The following NDUFAF2 variants were observed in gnomAD, a reference collection of about 807,000 sequenced individuals.
NDUFAF2 encodes NADH:ubiquinone oxidoreductase complex assembly factor 2.
NDUFAF2 carries 13 observed loss-of-function variants against 22.8 expected under a neutral mutation model. The ratio of observed to expected loss-of-function variants is 0.57; its 90% confidence interval spans 0.37 to 0.91. NDUFAF2 has a LOEUF of 0.91. Among genes scored for constraint, NDUFAF2 ranks in the 40% least tolerant of loss-of-function variants. NDUFAF2 has a pLI of 0.01. For synonymous variants in NDUFAF2, 53 were observed against 64.2 expected (o/e 0.83, Z 0.84); for missense variants, 162 against 195.2 (o/e 0.83, Z 1.01).
chr5:60,991,170 A>T (rs1455762406), intron 1 of NDUFAF2, among the ~76,000 whole-genome samples: 1 of 152,114 alleles, frequency 6.6e-6, no homozygotes, highest in Non-Finnish European at 1.5e-5. Context: ...ATTTTAAATT[A>T]AAAAAATGTT....
intron 1 of NDUFAF2, among the ~76,000 whole-genome samples, chr5:61,068,812 C>G (rs1752260498): frequency 6.6e-6 from 1 of 151,852 alleles, no homozygotes; most frequent in Non-Finnish European, 1.5e-5. Context: ...TTGTATTTTA[C>G]CAACCGAAAT....
intron 1 of NDUFAF2, among the ~76,000 whole-genome samples, chr5:60,989,323 A>G (rs1012369274): frequency 6.6e-6 from 1 of 152,188 alleles, no homozygotes; most frequent in Non-Finnish European, 1.5e-5. Context: ...AGTGTAAATT[A>G]GTTCACCCAT....
chr5:60,998,493 C>G (rs1380221728), intron 1 of NDUFAF2, among the ~76,000 whole-genome samples: 3 of 151,848 alleles, frequency 2.0e-5, no homozygotes, highest in Admixed American at 6.5e-5. Flanking sequence ...GTATTTTTTC[C>G]CAACATGATG....
chr5:61,055,614 A>G (rs1332403511), intron 1 of NDUFAF2, among the ~76,000 whole-genome samples: 1 of 152,202 alleles, frequency 6.6e-6, no homozygotes, highest in Non-Finnish European at 1.5e-5. Context: ...AAGTGGTGCT[A>G]TTGTCACAGA....
intron 2 of NDUFAF2, among the ~76,000 whole-genome samples, chr5:61,075,488 G>A (rs982629339): frequency 2.6e-4 from 39 of 152,126 alleles, no homozygotes; most frequent in Non-Finnish European, 5.0e-4. Flanking sequence ...CTTGGATAAT[G>A]CGTGCACCTT....
intron 1 of NDUFAF2, among the ~76,000 whole-genome samples, chr5:61,045,981 A>G (rs10071856): frequency 0.021 from 3,270 of 152,240 alleles, 70 homozygotes; most frequent in Non-Finnish European, 0.028. Context: ...GTGTTGAGGT[A>G]CATTTCTTCT....
At chr5:61,077,752 C>T (rs1296767827) in intron 2 of NDUFAF2, among the ~76,000 whole-genome samples, 3 of 152,058 alleles carry the variant, frequency 2.0e-5, no homozygotes, top group Non-Finnish European at 4.4e-5. Flanking sequence ...AAGAGTTGAC[C>T]TTTGAACAAA....
At chr5:61,142,507 G>A (rs1158485982) in intron 3 of NDUFAF2, among the ~76,000 whole-genome samples, 1 of 152,082 alleles carries the variant, frequency 6.6e-6, no homozygotes, top group Non-Finnish European at 1.5e-5. Context: ...CATGAGGAAG[G>A]TTCAAGAAAG....
chr5:61,151,884 A>C (rs771655952), intron 3 of NDUFAF2, among the ~76,000 whole-genome samples: 1 of 152,220 alleles, frequency 6.6e-6, no homozygotes, highest in African/African-American at 2.4e-5. Flanking sequence ...ACTGTATTGC[A>C]TTTATTTTTA....
At chr5:61,032,704 A>G (rs1219496789) in intron 1 of NDUFAF2, among the ~76,000 whole-genome samples, 6 of 152,074 alleles carry the variant, frequency 3.9e-5, no homozygotes, top group Non-Finnish European at 1.5e-5. Flanking sequence ...TCTTGGTTAT[A>G]AGGGCTCTTT....
At chr5:60,947,437 C>T (rs1039599097) in intron 1 of NDUFAF2, among the ~76,000 whole-genome samples, 4 of 152,008 alleles carry the variant, frequency 2.6e-5, no homozygotes, top group Non-Finnish European at 5.9e-5. Context: ...TACAGATCTT[C>T]GGTGAAGTAT....
At chr5:61,001,655 CTT>C (rs1751297184) in intron 1 of NDUFAF2, among the ~76,000 whole-genome samples, 1 of 152,000 alleles carries the variant, frequency 6.6e-6, no homozygotes, top group African/African-American at 2.4e-5. Flanking sequence ...TGATGGATAA[CTT>C]AATAAATAAA....
At chr5:60,968,894 C>T (rs1750792399) in intron 1 of NDUFAF2, among the ~76,000 whole-genome samples, 1 of 152,000 alleles carries the variant, frequency 6.6e-6, no homozygotes, top group African/African-American at 2.4e-5. Context: ...CCATCCTTTT[C>T]TGCTCTCTAT....
chr5:61,053,507 A>G (rs1367984849), intron 1 of NDUFAF2, among the ~76,000 whole-genome samples: 1 of 152,212 alleles, frequency 6.6e-6, no homozygotes, highest in Non-Finnish European at 1.5e-5. Context: ...TTATGATCAT[A>G]GAAGCTGAGA....
chr5:60,976,814 T>C (rs1479143246), intron 1 of NDUFAF2, among the ~76,000 whole-genome samples: 2 of 152,326 alleles, frequency 1.3e-5, no homozygotes, highest in East Asian at 3.9e-4. Context: ...CCTGATACGT[T>C]ATTCTATGCC....
chr5:61,040,286 A>ACACGCGCGCGTGCG (rs1491193758), intron 1 of NDUFAF2, among the ~76,000 whole-genome samples: 1 of 93,074 alleles, frequency 1.1e-5, no homozygotes, highest in Non-Finnish European at 2.2e-5. Flanking sequence ...ACACACACAC[A>ACACGCGCGCGTGCG]CGCGCGCGCG....
At chr5:61,063,988 G>A (rs140656263) in intron 1 of NDUFAF2, among the ~76,000 whole-genome samples, 2,051 of 152,194 alleles carry the variant, frequency 0.013, 22 homozygotes, top group Non-Finnish European at 0.02. Context: ...ACTATATGTT[G>A]CCTACAGGAG....
At chr5:60,962,169 G>GT (rs551302461) in intron 1 of NDUFAF2, among the ~76,000 whole-genome samples, 9,858 of 142,634 alleles carry the variant, frequency 0.069, 1,039 homozygotes, top group African/African-American at 0.23. Context: ...AGTTATCTTG[G>GT]TTTTTTTTTT....
chr5:61,029,991 G>A (rs1751702174), intron 1 of NDUFAF2, among the ~76,000 whole-genome samples: 1 of 152,066 alleles, frequency 6.6e-6, no homozygotes, highest in Non-Finnish European at 1.5e-5. Flanking sequence ...GGTGACCATG[G>A]AAGTAGTCTG....
Sources: allele counts gnomAD v4.1 joint callset (sites outside exome capture counted in the v4.1 genomes callset), GRCh38; gene constraint gnomAD v4.1.1; transcripts MANE v1.5; gene names NCBI Gene and HGNC (gene_info 2026-07-23, HGNC 2026-07-21).